Variants in SDK1 observed in about 807,000 individuals in gnomAD.
SDK1 encodes the protein protein sidekick-1.
In SDK1, 157 loss-of-function variants were observed where a neutral mutation model predicts 245.5. That is an observed-to-expected ratio of 0.64 (90% CI 0.56 to 0.73). The LOEUF is 0.73. Ranked by LOEUF, SDK1 falls within the 30% of genes least tolerant of loss-of-function variation. The pLI is 0.00. For missense variants in SDK1, 3,583 were observed against 3,002.3 expected (o/e 1.19, Z -4.52); for synonymous variants, 1,647 against 1,278.5 (o/e 1.29, Z -6.15).
chr7:3,481,796 G>A (rs1583924832), intron 1 of SDK1, among the ~76,000 whole-genome samples: 1 of 152,168 alleles, frequency 6.6e-6, no homozygotes, highest in African/African-American at 2.4e-5. Flanking sequence ...GCATTATTTG[G>A]TTTTACTAAA....
chr7:3,517,405 A>G (rs1192176420), intron 1 of SDK1, among the ~76,000 whole-genome samples: 2 of 152,080 alleles, frequency 1.3e-5, no homozygotes, highest in Non-Finnish European at 2.9e-5. Context: ...AATTCTGTAG[A>G]GTATTAGAGA....
intron 1 of SDK1, among the ~76,000 whole-genome samples, chr7:3,494,546 G>T (rs1781963935): frequency 6.6e-6 from 1 of 152,194 alleles, no homozygotes; most frequent in African/African-American, 2.4e-5. Context: ...TGTTATGTAT[G>T]AAGTGTGGGA....
chr7:4,079,142 C>G (rs768011131), intron 21 of SDK1, among the ~76,000 whole-genome samples: 1 of 152,196 alleles, frequency 6.6e-6, no homozygotes, highest in Non-Finnish European at 1.5e-5. Flanking sequence ...TTTCCTCATT[C>G]AGCCAGCATC....
At chr7:3,951,108 C>T (rs944349392) in intron 6 of SDK1, 74 bp downstream of exon 6, 2 of 1,123,516 alleles carry the variant, frequency 1.8e-6, no homozygotes, top group Non-Finnish European at 2.7e-6. Flanking sequence ...TAGAAGGATA[C>T]ACTGGAGCAT....
intron 1 of SDK1, among the ~76,000 whole-genome samples, chr7:3,514,169 C>G (rs1304379027): frequency 6.6e-6 from 1 of 152,108 alleles, no homozygotes; most frequent in South Asian, 2.1e-4. Flanking sequence ...GACTGCCTGT[C>G]TCATGGAGTT....
chr7:3,314,003 A>C (rs1342559016), intron 1 of SDK1, among the ~76,000 whole-genome samples: 1 of 152,206 alleles, frequency 6.6e-6, no homozygotes, highest in Non-Finnish European at 1.5e-5. Context: ...TTAAAGGTAT[A>C]GTGATCAATA....
intron 4 of SDK1, among the ~76,000 whole-genome samples, chr7:3,680,504 G>C (rs1318103671): frequency 6.6e-6 from 1 of 152,188 alleles, no homozygotes. Context: ...TGAGGTCTGG[G>C]TGTTGTTCCA....
rs10272473 is a variant in SDK1, at chr7:4,022,922, C to T, written c.2602+5570C>T. Among the ~76,000 whole-genome samples, 1,170 of 151,948 alleles carry T rather than the reference C, an allele frequency of 7.7e-3. 16 individuals carry two copies. The highest frequency in any genetic ancestry group is 0.024 in the African/African-American group (1,006 of 41,410). ...CCAAGTAGCTGGGACCACAGGCGCC[C>T]GCCAACATGCCCCGCTAATTTTTTT... On this transcript the variant is annotated intron_variant, in intron 17 of 44. Transcript: ENST00000404826.
intron 11 of SDK1, among the ~76,000 whole-genome samples, 194 bp from the exon 12 acceptor site, chr7:3,971,272 G>A (rs532867934): frequency 5.1e-4 from 78 of 152,286 alleles, no homozygotes; most frequent in African/African-American, 1.9e-3. Context: ...TTGACAGACT[G>A]CTGCAATGGT....
chr7:4,115,690 T>A (rs988322500), intron 25 of SDK1, among the ~76,000 whole-genome samples: 5 of 152,172 alleles, frequency 3.3e-5, no homozygotes, highest in Non-Finnish European at 7.4e-5. Context: ...CACAGCTGTT[T>A]CCACCCCAGA....
At chr7:3,398,772 T>G (rs113138585) in intron 1 of SDK1, among the ~76,000 whole-genome samples, 4 of 150,886 alleles carry the variant, frequency 2.7e-5, no homozygotes, top group African/African-American at 2.4e-5. Context: ...CCAGTAGTTT[T>G]TTTTTTTTTT....
intron 5 of SDK1, among the ~76,000 whole-genome samples, chr7:3,871,650 G>C (rs531747962): frequency 1.3e-5 from 2 of 152,314 alleles, no homozygotes; most frequent in South Asian, 4.1e-4. Context: ...CCCAGGGCAA[G>C]AGCAGAAGCA....
At chr7:3,672,783 A>G (rs1216578058) in intron 4 of SDK1, among the ~76,000 whole-genome samples, 1 of 103,578 alleles carries the variant, frequency 9.7e-6, no homozygotes, top group Admixed American at 1.1e-4. Context: ...ATATATATAT[A>G]TATATATATA....
intron 14 of SDK1, among the ~76,000 whole-genome samples, chr7:3,989,135 T>A (rs1784097586): frequency 1.3e-5 from 2 of 152,140 alleles, no homozygotes; most frequent in South Asian, 2.1e-4. Flanking sequence ...ACACTGCCAA[T>A]AAAGACACAC....
intron 1 of SDK1, among the ~76,000 whole-genome samples, chr7:3,617,903 T>C (rs1781819032): frequency 6.6e-6 from 1 of 152,124 alleles, no homozygotes; most frequent in South Asian, 2.1e-4. Context: ...AGAGCTTGGC[T>C]TGGGTTTAAA....
At chr7:3,674,389 A>G (rs571010753) in intron 4 of SDK1, among the ~76,000 whole-genome samples, 1 of 152,262 alleles carries the variant, frequency 6.6e-6, no homozygotes, top group South Asian at 2.1e-4. Flanking sequence ...CTGCTAGGGC[A>G]TGAGTGTCAG....
intron 5 of SDK1, among the ~76,000 whole-genome samples, chr7:3,852,777 T>A (rs35127523): frequency 0.2 from 25,884 of 131,536 alleles, 2,962 homozygotes; most frequent in Middle Eastern, 0.33. Flanking sequence ...AAAAAAAAAA[T>A]TTTTTTCCTT....
chr7:3,826,996 T>G (rs1779791331), intron 5 of SDK1, among the ~76,000 whole-genome samples: 1 of 152,162 alleles, frequency 6.6e-6, no homozygotes, highest in Non-Finnish European at 1.5e-5. Flanking sequence ...TGGTTTCTAT[T>G]GCCCACTCAT....
At chr7:4,228,632 C>A (rs979201782) in intron 40 of SDK1, among the ~76,000 whole-genome samples, 2 of 152,166 alleles carry the variant, frequency 1.3e-5, no homozygotes, top group Non-Finnish European at 1.5e-5. Flanking sequence ...CTTCACCTCC[C>A]GGGATCAAGC....
Sources: gnomAD v4.1 joint callset for allele counts (sites outside exome capture counted in the v4.1 genomes callset) on GRCh38, gnomAD v4.1.1 for gene constraint, MANE v1.5 for transcripts, NCBI Gene and HGNC (gene_info 2026-07-23, HGNC 2026-07-21) for gene names.